Variants in ACVR1C observed in about 807,000 individuals in gnomAD.
ACVR1C encodes the protein activin A receptor type 1C, also known as activin receptor type-1C.
Under a neutral mutation model 57.9 loss-of-function variants are expected in ACVR1C, and 23 were observed. The observed-to-expected ratio is 0.40, with a 90% CI of 0.29 to 0.56. The LOEUF (loss-of-function observed/expected upper bound fraction) is 0.56. ACVR1C is among the 20% of genes least tolerant of loss of function. The pLI is 0.50. For synonymous variants in ACVR1C, 214 were observed against 215.3 expected (o/e 0.99, Z 0.05); for missense variants, 480 against 607.9 (o/e 0.79, Z 2.21).
At chr2:157,538,464 G>A in intron 8 of ACVR1C, 109 bp downstream of exon 8, 1 of 1,069,872 alleles carries the variant, frequency 9.3e-7, no homozygotes, top group Non-Finnish European at 1.3e-6. Flanking sequence ...AAAGACGTAT[G>A]TCTACATATA....
chr2:157,543,031 T>C (rs569988126), intron 5 of ACVR1C, among the ~76,000 whole-genome samples, 169 bp from the exon 6 acceptor site: 9 of 152,292 alleles, frequency 5.9e-5, no homozygotes, highest in South Asian at 2.1e-4. Flanking sequence ...GAATCATCTG[T>C]CTCTCCCAAA....
intron 2 of ACVR1C, among the ~76,000 whole-genome samples, chr2:157,563,449 G>A (rs185063555): frequency 1.3e-5 from 2 of 152,234 alleles, no homozygotes; most frequent in East Asian, 3.9e-4. Flanking sequence ...ACAAACCACT[G>A]CTCAAGAAAA....
At chr2:157,605,759 G>GT (rs1291988122) in intron 1 of ACVR1C, among the ~76,000 whole-genome samples, 1 of 151,600 alleles carries the variant, frequency 6.6e-6, no homozygotes, top group Non-Finnish European at 1.5e-5. Context: ...TCAAGTCAGG[G>GT]TATCTATCAC....
chr2:157,600,770 T>C (rs1035706979), intron 1 of ACVR1C, among the ~76,000 whole-genome samples: 6 of 152,164 alleles, frequency 3.9e-5, no homozygotes, highest in Admixed American at 2.0e-4. Context: ...TTTGGAAGGA[T>C]CTTTTTGTTT....
chr2:157,565,663 C>T (rs1032223815), intron 2 of ACVR1C, among the ~76,000 whole-genome samples: 3 of 152,090 alleles, frequency 2.0e-5, no homozygotes, highest in African/African-American at 7.2e-5. Context: ...CTGAATCAAA[C>T]GAGCTATTGA....
chr2:157,548,137 GACAA>G (rs1310466440), intron 4 of ACVR1C, among the ~76,000 whole-genome samples: 1 of 150,790 alleles, frequency 6.6e-6, no homozygotes, highest in Non-Finnish European at 1.5e-5. Flanking sequence ...ACCAACAACA[GACAA>G]ACAGAGAGCC....
Position 157,628,566 on chromosome 2 carries a change from C to G in ACVR1C, c.73+6G>C. On this transcript the variant is annotated splice_donor_region_variant and intron_variant, in intron 1 of 8. Coordinates refer to ENST00000243349, the MANE Select transcript of ACVR1C (RefSeq NM_145259.3). ...GCGGGCGTCGGGAGAGAAACCAGCACCGTACCTGGCGAGAGCTCGGCGGCC... is the reference window on the plus strand; with the variant it reads ...GCGGGCGTCGGGAGAGAAACCAGCAGCGTACCTGGCGAGAGCTCGGCGGCC... 6.2e-7 allele frequency: 1 copy of G among 1,607,420 alleles called. No individual in the cohort carries two copies.
At chr2:157,556,967 C>T (rs1688120342) in intron 2 of ACVR1C, among the ~76,000 whole-genome samples, 1 of 152,102 alleles carries the variant, frequency 6.6e-6, no homozygotes, top group South Asian at 2.1e-4. Context: ...CTGGCCACAG[C>T]AGTCCTCTTT....
At chr2:157,579,599 A>G (rs1324078752) in intron 2 of ACVR1C, among the ~76,000 whole-genome samples, 1 of 152,194 alleles carries the variant, frequency 6.6e-6, no homozygotes, top group South Asian at 2.1e-4. Flanking sequence ...TGTTAATTCC[A>G]ATATGTGAAG....
At chr2:157,615,075 T>A (rs1187278227) in intron 1 of ACVR1C, among the ~76,000 whole-genome samples, 1 of 152,216 alleles carries the variant, frequency 6.6e-6, no homozygotes, top group Non-Finnish European at 1.5e-5. Flanking sequence ...GTCCCTTGGA[T>A]ATTTTACCCT....
chr2:157,531,840 T>G lies in ACVR1C; in HGVS notation c.*2078A>C, dbSNP rs1456099695. 2 of 152,144 alleles carry G rather than the reference T, an allele frequency of 1.3e-5. No homozygotes were observed. The highest frequency in any genetic ancestry group is 1.5e-5 in the Non-Finnish European group (1 of 68,000). The allele number at this position is 152,144 out of a possible 1,614,324, so 9.4% of individuals were successfully genotyped here. A position where few individuals can be genotyped will look rare whatever the true frequency, so the allele number is the denominator to read the frequency against. Reference sequence around the variant, plus strand: ...TTTCAGACCTATCCTAGAAACCCACTGTCATGCAGAACTCAAGACATCCCA... The same window carrying G: ...TTTCAGACCTATCCTAGAAACCCACGGTCATGCAGAACTCAAGACATCCCA... On this transcript the variant is annotated 3_prime_UTR_variant, in exon 9 of 9. Transcript: ENST00000243349.
At chr2:157,628,499 C>G (rs954548097) in intron 1 of ACVR1C, 73 bp downstream of exon 1, 171 of 1,512,368 alleles carry the variant, frequency 1.1e-4, no homozygotes, top group Non-Finnish European at 1.5e-4. Flanking sequence ...CTGTCCCCCA[C>G]CCCCGTGCTC....
chr2:157,540,896 T>C (rs1253104898), intron 7 of ACVR1C, among the ~76,000 whole-genome samples, 194 bp downstream of exon 7: 1 of 152,226 alleles, frequency 6.6e-6, no homozygotes, highest in Admixed American at 6.5e-5. Flanking sequence ...CACTAAGCAG[T>C]AATCACAATA....
chr2:157,583,067 G>A (rs1468871700), intron 2 of ACVR1C, among the ~76,000 whole-genome samples: 3 of 151,902 alleles, frequency 2.0e-5, no homozygotes, highest in Non-Finnish European at 2.9e-5. Context: ...CACCATGTTG[G>A]CCAGGCTGGT....
At chr2:157,615,637 A>G (rs746346159) in intron 1 of ACVR1C, among the ~76,000 whole-genome samples, 2 of 152,088 alleles carry the variant, frequency 1.3e-5, no homozygotes, top group Non-Finnish European at 2.9e-5. Context: ...TGGCCTCCCA[A>G]AGTGCTGGGA....
chr2:157,608,180 G>A (rs1682449590), intron 1 of ACVR1C, among the ~76,000 whole-genome samples: 1 of 151,684 alleles, frequency 6.6e-6, no homozygotes, highest in East Asian at 1.9e-4. Flanking sequence ...ATTATTGAGA[G>A]TTTTTCGTCA....
intron 7 of ACVR1C, among the ~76,000 whole-genome samples, chr2:157,539,412 A>C (rs1687566846): frequency 6.6e-6 from 1 of 152,162 alleles, no homozygotes; most frequent in Non-Finnish European, 1.5e-5. Context: ...ATCCCTTATA[A>C]AATCTTTTTA....
At chr2:157,599,613 T>C (rs1682236685) in intron 1 of ACVR1C, among the ~76,000 whole-genome samples, 1 of 152,198 alleles carries the variant, frequency 6.6e-6, no homozygotes, top group Non-Finnish European at 1.5e-5. Context: ...TGGAAGATAG[T>C]ATGCGTTTTT....
chr2:157,603,846 G>A (rs925653042), intron 1 of ACVR1C, among the ~76,000 whole-genome samples: 1 of 151,724 alleles, frequency 6.6e-6, no homozygotes, highest in Admixed American at 6.6e-5. Context: ...ATAAAACATG[G>A]GTAAATTTTA....
Sources: allele counts gnomAD v4.1 joint callset (sites outside exome capture counted in the v4.1 genomes callset), GRCh38; gene constraint gnomAD v4.1.1; transcripts MANE v1.5; gene names NCBI Gene and HGNC (gene_info 2026-07-23, HGNC 2026-07-21).